Variants in IL1RAPL1 observed in about 807,000 individuals in gnomAD.
IL1RAPL1 encodes interleukin-1 receptor accessory protein-like 1.
In IL1RAPL1, 3 loss-of-function variants were observed where a neutral mutation model predicts 48.4. The ratio of observed to expected loss-of-function variants is 0.06; its 90% CI spans 0.03 to 0.16. IL1RAPL1 has a LOEUF of 0.16. Among genes scored for constraint, IL1RAPL1 ranks in the 10% least tolerant of loss-of-function variants. IL1RAPL1 has a pLI of 1.00. For synonymous variants in IL1RAPL1, 185 were observed against 187.7 expected (o/e 0.99, Z 0.12); for missense variants, 349 against 530.6 (o/e 0.66, Z 3.36).
At chrX:29,239,629 G>A (rs187217862) in intron 2 of IL1RAPL1, among the ~76,000 whole-genome samples, 5 of 112,021 alleles carry the variant, frequency 4.5e-5, no homozygotes, top group African/African-American at 1.6e-4. Flanking sequence ...TGTCCAACAC[G>A]TGGCCTGCGG....
At chrX:29,849,362 A>G (rs745869147) in intron 6 of IL1RAPL1, among the ~76,000 whole-genome samples, 9 of 111,350 alleles carry the variant, frequency 8.1e-5, no homozygotes, top group Non-Finnish European at 1.7e-4. Context: ...TATTATAAGG[A>G]AGAGACTCTT....
Position 28,724,076 on chromosome X carries a change from A to T in IL1RAPL1, c.-24-65244A>T, listed in dbSNP as rs184517995. On this transcript the variant is annotated intron_variant, in intron 1 of 10. Coordinates refer to ENST00000378993, the MANE Select transcript of IL1RAPL1 (RefSeq NM_014271.4). Reference sequence around the variant, plus strand: ...TGAGAAGAATGTATATTCTGTTGATATGGGGTGGAGAGTTCTGTAGATGTC... The same window carrying T: ...TGAGAAGAATGTATATTCTGTTGATTTGGGGTGGAGAGTTCTGTAGATGTC... 9.8e-3 allele frequency among the ~76,000 whole-genome samples: 1,097 copies of T among 111,384 alleles called. 17 individuals are homozygous for T. The highest frequency in any genetic ancestry group is 0.034 in the African/African-American group (1,037 of 30,663).
At chrX:29,397,273 C>T (rs1283455439) in intron 4 of IL1RAPL1, among the ~76,000 whole-genome samples, 1 of 112,300 alleles carries the variant, frequency 8.9e-6, no homozygotes, top group Non-Finnish European at 1.9e-5. Context: ...CTCTTTGTAA[C>T]TAGATCCACA....
chrX:29,731,852 A>G (rs1569155909), intron 6 of IL1RAPL1, among the ~76,000 whole-genome samples: 1 of 112,187 alleles, frequency 8.9e-6, no homozygotes, highest in African/African-American at 3.2e-5. Flanking sequence ...GAGCCTGAGC[A>G]AGTATAGAAA....
chrX:29,595,693 G>A (rs1322465442), intron 5 of IL1RAPL1, among the ~76,000 whole-genome samples: 1 of 111,876 alleles, frequency 8.9e-6, no homozygotes, highest in East Asian at 2.8e-4. Context: ...TGGATTTTCT[G>A]TTAATTCTGA....
chrX:29,894,222 T>C (rs1419605466), intron 6 of IL1RAPL1, among the ~76,000 whole-genome samples: 1 of 112,330 alleles, frequency 8.9e-6, no homozygotes, highest in Non-Finnish European at 1.9e-5. Context: ...AGCCAGTTAG[T>C]ATTCAACAAG....
chrX:28,875,010 A>G (rs1249442952), intron 2 of IL1RAPL1, among the ~76,000 whole-genome samples: 1 of 112,155 alleles, frequency 8.9e-6, no homozygotes, highest in Non-Finnish European at 1.9e-5. Context: ...TCACAGGGAA[A>G]GAAGATGGTA....
intron 3 of IL1RAPL1, among the ~76,000 whole-genome samples, chrX:29,383,518 T>A (rs192688735): frequency 4.6e-4 from 52 of 112,240 alleles, no homozygotes; most frequent in African/African-American, 1.5e-3. Context: ...TTGACATGAA[T>A]CCTTAATATA....
chrX:29,113,744 T>C (rs1474160540), intron 2 of IL1RAPL1, among the ~76,000 whole-genome samples: 1 of 111,582 alleles, frequency 9.0e-6, no homozygotes, highest in Non-Finnish European at 1.9e-5. Flanking sequence ...GACATCTTGG[T>C]TTGGTTTGTT....
chrX:28,875,375 A>G (rs1413458830), intron 2 of IL1RAPL1, among the ~76,000 whole-genome samples: 1 of 112,596 alleles, frequency 8.9e-6, no homozygotes, highest in African/African-American at 3.2e-5. Flanking sequence ...ATGGATTTCC[A>G]TCAAACTGCC....
At chrX:28,807,861 A>G (rs892292496) in intron 2 of IL1RAPL1, among the ~76,000 whole-genome samples, 4 of 110,786 alleles carry the variant, frequency 3.6e-5, no homozygotes, top group Non-Finnish European at 7.6e-5. Flanking sequence ...GCATCAGACT[A>G]TCTCTTCTAC....
chrX:29,573,202 A>G (rs1602304307), intron 5 of IL1RAPL1, among the ~76,000 whole-genome samples: 1 of 112,050 alleles, frequency 8.9e-6, no homozygotes, highest in Non-Finnish European at 1.9e-5. Flanking sequence ...TGATATAGTC[A>G]CTTCACAAAG....
At chrX:29,903,511 T>TTTTC (rs1196007821) in intron 6 of IL1RAPL1, among the ~76,000 whole-genome samples, 4 of 111,142 alleles carry the variant, frequency 3.6e-5, no homozygotes, top group Non-Finnish European at 7.6e-5. Context: ...TAGAGGAGAA[T>TTTTC]TTTCTTTTTA....
intron 6 of IL1RAPL1, among the ~76,000 whole-genome samples, chrX:29,725,320 A>G (rs1482644428): frequency 9.0e-6 from 1 of 111,226 alleles, no homozygotes; most frequent in Non-Finnish European, 1.9e-5. Context: ...TACTTGTTGC[A>G]AATAAGATGA....
At chrX:29,844,529 G>A (rs1312978088) in intron 6 of IL1RAPL1, among the ~76,000 whole-genome samples, 1 of 111,338 alleles carries the variant, frequency 9.0e-6, no homozygotes, top group Non-Finnish European at 1.9e-5. Flanking sequence ...CACAGGTTTT[G>A]AATCCATGGA....
intron 5 of IL1RAPL1, among the ~76,000 whole-genome samples, chrX:29,549,933 C>T (rs1441097339): frequency 9.0e-6 from 1 of 111,702 alleles, no homozygotes; most frequent in African/African-American, 3.2e-5. Flanking sequence ...TTATTATATA[C>T]AGAAGTATGC....
intron 2 of IL1RAPL1, among the ~76,000 whole-genome samples, chrX:28,928,013 CCCATGGGA>C (rs1234333143): frequency 9.0e-6 from 1 of 110,862 alleles, no homozygotes; most frequent in African/African-American, 3.3e-5. Flanking sequence ...ACTTGACATA[CCCATGGGA>C]GTACGTATCT....
At chrX:29,615,188 A>T (rs1602327424) in intron 5 of IL1RAPL1, among the ~76,000 whole-genome samples, 1 of 112,048 alleles carries the variant, frequency 8.9e-6, no homozygotes, top group African/African-American at 3.2e-5. Flanking sequence ...TCTAAATGTG[A>T]GTATCACACA....
In IL1RAPL1 at chrX:29,929,019, G is replaced by A. The variant is rs181042351; in HGVS notation, c.1057+8925G>A. 2.5e-3 allele frequency among the ~76,000 whole-genome samples: 276 copies of A among 111,507 alleles called. 1 individual carries two copies. Among genetic ancestry groups the A allele is most frequent in the African/African-American group, 8.9e-3 (274 of 30,744 alleles). On this transcript the variant is annotated intron_variant, in intron 8 of 10. Transcript: ENST00000378993. ...TTTTGTATCTAATTTTAGGGCATGT[G>A]TTCTATTTTTAGCATGTGTTCTATG... is the stretch of plus-strand genomic sequence containing the variant.
Sources: allele counts gnomAD v4.1 joint callset (sites outside exome capture counted in the v4.1 genomes callset), GRCh38; gene constraint gnomAD v4.1.1; transcripts MANE v1.5; gene names NCBI Gene and HGNC (gene_info 2026-07-23, HGNC 2026-07-21).